The following BMPR2 variants were observed in gnomAD, a reference collection of about 807,000 sequenced individuals.
BMPR2 encodes the protein bone morphogenetic protein receptor type-2.
Under a neutral mutation model 100.8 loss-of-function variants are expected in BMPR2, and 29 were observed. That is an observed-to-expected ratio of 0.29 (90% CI 0.21 to 0.39). The LOEUF (loss-of-function observed/expected upper bound fraction) is 0.39. Among genes scored for constraint, BMPR2 ranks in the 10% least tolerant of loss-of-function variants. The pLI is 1.00. For synonymous variants in BMPR2, 382 were observed against 442.3 expected, an observed-to-expected ratio of 0.86 and a Z score of 1.71; for missense variants, 1,011 against 1,274.5, an observed-to-expected ratio of 0.79 and a Z score of 3.15.
Position 202,560,912 on chromosome 2 carries a change from T to C in BMPR2, c.*966T>C, listed in dbSNP as rs1267356078. The C allele has an allele frequency of 6.6e-6, 1 of 152,198 alleles. No homozygotes were observed. Among genetic ancestry groups the C allele is most frequent in the Non-Finnish European group, 1.5e-5 (1 of 68,012 alleles). The allele number at this position is 152,198 out of a possible 1,614,324, so 9.4% of individuals were successfully genotyped here. On this transcript the variant is annotated 3_prime_UTR_variant, in exon 13 of 13. Coordinates refer to ENST00000374580, the MANE Select transcript of BMPR2 (RefSeq NM_001204.7). ...AAGAAATACATTTTTATTGGTAAGC[T>C]TATAGAGCTACACTTATGGAATTTT...
At chr2:202,458,898 T>C (rs1264688118) in intron 1 of BMPR2, among the ~76,000 whole-genome samples, 1 of 152,198 alleles carries the variant, frequency 6.6e-6, no homozygotes, top group African/African-American at 2.4e-5. Context: ...GTGTACAGTT[T>C]CTAGAGTTTT....
rs557172581 is a variant in BMPR2 at position 202,555,352 on chromosome 2, G to A, written c.1687G>A (p.Val563Met). Residue 563 changes from valine to methionine, a missense_variant, in exon 12 of 13, where the codon GTG becomes ATG. Transcript: ENST00000374580. ...EDSIHHTDSI[V>M]KNISSEHSMS... is the part of the protein sequence containing the mutation. ...CTCTATCCATCATACTGACAGCATC[G>A]TGAAGAATATTTCCTCTGAGCATTC... 5.6e-6 allele frequency: 9 copies of A among 1,613,960 alleles called. No homozygotes were observed. The highest frequency in any genetic ancestry group is 4.5e-5 in the East Asian group (2 of 44,880).
At chr2:202,447,099 A>T (rs565291688) in intron 1 of BMPR2, among the ~76,000 whole-genome samples, 30 of 148,416 alleles carry the variant, frequency 2.0e-4, no homozygotes, top group Non-Finnish European at 3.4e-4. Flanking sequence ...TGAGGTCAAG[A>T]GTTTGAGACC....
At chr2:202,407,902 C>T (rs1023325587) in intron 1 of BMPR2, among the ~76,000 whole-genome samples, 1 of 150,628 alleles carries the variant, frequency 6.6e-6, no homozygotes, top group African/African-American at 2.4e-5. Context: ...GGCGTGATCT[C>T]GGCTCACTGC....
chr2:202,505,513 C>T (rs1174744644), intron 3 of BMPR2, among the ~76,000 whole-genome samples: 1 of 152,028 alleles, frequency 6.6e-6, no homozygotes, highest in Non-Finnish European at 1.5e-5. Context: ...GAGCACTGTG[C>T]TTGGTCTCTT....
rs77408565 is a variant in BMPR2 at position 202,423,821 on chromosome 2, G to A, written c.77-40988G>A. 9.7e-3 allele frequency among the ~76,000 whole-genome samples: 1,483 copies of A among 152,154 alleles called. 29 individuals are homozygous for A. The highest frequency in any genetic ancestry group is 0.034 in the African/African-American group (1,421 of 41,496). On this transcript the variant is annotated intron_variant, in intron 1 of 12. Coordinates refer to ENST00000374580, the MANE Select transcript of BMPR2 (RefSeq NM_001204.7). Reference sequence around the variant, plus strand: ...TGTAGTCCCAGCACTTTCGGAGGCCGGGGTGGTTGGATTGCTTGAGGCCAG... The same window carrying A: ...TGTAGTCCCAGCACTTTCGGAGGCCAGGGTGGTTGGATTGCTTGAGGCCAG...
At chr2:202,410,306 A>C (rs1000267781) in intron 1 of BMPR2, among the ~76,000 whole-genome samples, 1 of 152,078 alleles carries the variant, frequency 6.6e-6, no homozygotes, top group African/African-American at 2.4e-5. Context: ...TTTCTAAATA[A>C]CATTCTCCAC....
chr2:202,461,576 T>C (rs149570155), intron 1 of BMPR2, among the ~76,000 whole-genome samples: 2 of 152,320 alleles, frequency 1.3e-5, no homozygotes, highest in East Asian at 3.9e-4. Context: ...CCTTCCTAGG[T>C]TGTTGAAAAG....
rs1574415400 is a variant in BMPR2, at chr2:202,376,831, G to C, written c.-644G>C. The C allele has an allele frequency of 2.5e-6, 1 of 403,844 alleles. No homozygotes were observed. The highest frequency in any genetic ancestry group is 4.3e-6 in the Non-Finnish European group (1 of 230,554). 25.0% of individuals were successfully genotyped at this position (403,844 alleles called of 1,614,324 possible). On this transcript the variant is annotated 5_prime_UTR_variant, in exon 1 of 13. Transcript: ENST00000374580. ...GCCAGGGCCTCCCCAACCCTCTCACGGTTGTTCTGCGAAGGCGTGGGGACT... is the reference window on the plus strand; with the variant it reads ...GCCAGGGCCTCCCCAACCCTCTCACCGTTGTTCTGCGAAGGCGTGGGGACT...
chr2:202,492,818 GA>G lies in BMPR2; in HGVS notation c.419-20894del, dbSNP rs1286826320. ...AACAGACCAGGAGAAATTTAATGGG[GA>G]AAAAAAGTTATTTGTTTTTCTCCAA... On this transcript the variant is annotated intron_variant, in intron 3 of 12. Transcript: ENST00000374580. Among the ~76,000 whole-genome samples the G allele has an allele frequency of 8.6e-5, 13 of 151,636 alleles. No individual in the cohort carries two copies. In the South Asian group the frequency reaches 2.5e-3, roughly 29 times the overall value.
At chr2:202,536,088 GGGGAGAGGGAGA>G (rs71876322) in intron 9 of BMPR2, among the ~76,000 whole-genome samples, 1 of 151,974 alleles carries the variant, frequency 6.6e-6, no homozygotes, top group Admixed American at 6.6e-5. Context: ...GGGAGACCGT[GGGGAGAGGGAGA>G]GGGAGAGGGA....
chr2:202,465,265 T>C (rs1649049208), intron 2 of BMPR2, among the ~76,000 whole-genome samples: 1 of 151,942 alleles, frequency 6.6e-6, no homozygotes, highest in Non-Finnish European at 1.5e-5. Context: ...GGTGTGCGCC[T>C]GTGGTCCCAG....
chr2:202,416,336 C>T (rs1224265103), intron 1 of BMPR2, among the ~76,000 whole-genome samples: 1 of 151,708 alleles, frequency 6.6e-6, no homozygotes, highest in African/African-American at 2.4e-5. Context: ...GTGGTCACAG[C>T]TCACTGCAGC....
At chr2:202,422,575 G>C (rs1208968732) in intron 1 of BMPR2, among the ~76,000 whole-genome samples, 1 of 152,182 alleles carries the variant, frequency 6.6e-6, no homozygotes. Context: ...CAAAGTTCTG[G>C]GATTACAGGC....
intron 1 of BMPR2, among the ~76,000 whole-genome samples, chr2:202,381,205 C>T (rs977339918): frequency 2.6e-5 from 4 of 151,888 alleles, no homozygotes; most frequent in East Asian, 1.9e-4. Context: ...AAACTCCTGA[C>T]CTCGTGATCT....
intron 9 of BMPR2, among the ~76,000 whole-genome samples, chr2:202,534,366 G>C (rs1688085884): frequency 6.6e-6 from 1 of 151,848 alleles, no homozygotes; most frequent in African/African-American, 2.4e-5. Context: ...ATAAACAAGT[G>C]AACAAAGGTC....
intron 1 of BMPR2, among the ~76,000 whole-genome samples, chr2:202,426,568 CAAAAAAAAAA>C (rs35528511): frequency 1.7e-5 from 1 of 58,074 alleles, no homozygotes; most frequent in African/African-American, 7.7e-5. Context: ...GTCTCCGTCT[CAAAAAAAAAA>C]AAAAAAAAAA....
intron 3 of BMPR2, among the ~76,000 whole-genome samples, chr2:202,494,629 T>G (rs2105984804): frequency 1.3e-5 from 2 of 152,186 alleles, no homozygotes; most frequent in South Asian, 2.1e-4. Context: ...CTGAGAAAAC[T>G]TAATAGGGAA....
At chr2:202,499,071 C>T (rs938558007) in intron 3 of BMPR2, among the ~76,000 whole-genome samples, 7 of 152,090 alleles carry the variant, frequency 4.6e-5, no homozygotes, top group Non-Finnish European at 7.4e-5. Flanking sequence ...CAAAAACCCC[C>T]GGGCTATCGG....
Sources: allele counts gnomAD v4.1 joint callset (sites outside exome capture counted in the v4.1 genomes callset), GRCh38; gene constraint gnomAD v4.1.1; transcripts MANE v1.5; gene names NCBI Gene and HGNC (gene_info 2026-07-23, HGNC 2026-07-21).